The following ACTR3C variants were observed in gnomAD, a reference collection of about 807,000 sequenced individuals.
The protein encoded by ACTR3C is actin related protein 3C.
ACTR3C carries 18 observed loss-of-function variants against 26.3 expected under a neutral mutation model. The observed-to-expected ratio is 0.68, with a 90% CI of 0.47 to 1.01. The LOEUF (loss-of-function observed/expected upper bound fraction) is 1.01. Ranked by LOEUF, ACTR3C falls within the 50% of genes least tolerant of loss-of-function variation. The probability of loss-of-function intolerance (pLI) is 0.00; values close to 1 mark genes in which losing one functional copy is unlikely to be tolerated. For missense variants in ACTR3C, 184 were observed against 250.7 expected (o/e 0.73, Z 1.80); for synonymous variants, 55 against 94.5 (o/e 0.58, Z 2.42).
the ACTR3C span, among the ~76,000 whole-genome samples, chr7:150,144,785 TG>T: frequency 6.6e-6 from 1 of 152,128 alleles, no homozygotes; most frequent in Non-Finnish European, 1.5e-5. This position sits in a 1 kb window ranked among gnomAD's most constrained non-coding sequence, Gnocchi z 4.6. Context: ...CGGTGGCTCA[TG>T]CCTGTAATCC....
the ACTR3C span, among the ~76,000 whole-genome samples, chr7:149,918,931 C>G: frequency 1.3e-5 from 2 of 152,152 alleles, no homozygotes; most frequent in Non-Finnish European, 2.9e-5. Flanking sequence ...AATAGGAGGG[C>G]TGAGGAGCAA....
the ACTR3C span, among the ~76,000 whole-genome samples, chr7:149,900,139 C>T: frequency 2.0e-5 from 3 of 149,834 alleles, no homozygotes; most frequent in Non-Finnish European, 3.0e-5. Flanking sequence ...GATGTTCAGG[C>T]AGTCCATTAT....
the ACTR3C span, among the ~76,000 whole-genome samples, chr7:150,041,755 G>A: frequency 1.4e-5 from 2 of 145,306 alleles, no homozygotes; most frequent in East Asian, 2.0e-4. Context: ...GAGCCAGGGG[G>A]GGGAAGAGGG....
At chr7:150,224,612 C>T in the ACTR3C span, among the ~76,000 whole-genome samples, 2 of 152,176 alleles carry the variant, frequency 1.3e-5, no homozygotes, top group African/African-American at 4.8e-5. Context: ...TGAAATCCAG[C>T]CAGGCAAAGG....
chr7:150,170,187 T>C, the ACTR3C span, among the ~76,000 whole-genome samples: 18 of 150,146 alleles, frequency 1.2e-4, no homozygotes, highest in Admixed American at 2.0e-4. Flanking sequence ...GCAGTTGGTG[T>C]CATACACATT....
the ACTR3C span, among the ~76,000 whole-genome samples, chr7:150,071,228 A>G: frequency 1.5e-4 from 22 of 151,620 alleles, no homozygotes; most frequent in Non-Finnish European, 2.9e-4. Flanking sequence ...GGTTCATGCC[A>G]TTCTCCTGCC....
chr7:150,013,625 G>A, the ACTR3C span, among the ~76,000 whole-genome samples: 3 of 152,238 alleles, frequency 2.0e-5, no homozygotes, highest in East Asian at 5.8e-4. Flanking sequence ...GGGCATGCAT[G>A]GCTGGTGAGA....
the ACTR3C span, among the ~76,000 whole-genome samples, chr7:149,924,920 C>T: frequency 3.3e-5 from 5 of 152,160 alleles, no homozygotes; most frequent in Admixed American, 1.3e-4. Context: ...TGAGCCACTG[C>T]GCCGGGCCCA....
At chr7:150,285,546 T>A (rs1563180306) in intron 5 of ACTR3C, among the ~76,000 whole-genome samples, 1 of 152,254 alleles carries the variant, frequency 6.6e-6, no homozygotes, top group Non-Finnish European at 1.5e-5. Flanking sequence ...CTGTTCTATG[T>A]CCATTTCAAA....
chr7:150,222,683 C>T, the ACTR3C span, among the ~76,000 whole-genome samples: 1 of 152,172 alleles, frequency 6.6e-6, no homozygotes, highest in Non-Finnish European at 1.5e-5. Flanking sequence ...ATCATGATCT[C>T]GAGCTTGATG....
the ACTR3C span, among the ~76,000 whole-genome samples, chr7:150,105,559 C>G: frequency 6.6e-6 from 1 of 152,038 alleles, no homozygotes; most frequent in South Asian, 2.1e-4. Context: ...TGGTTTACTT[C>G]TAGCAACTGC....
the ACTR3C span, among the ~76,000 whole-genome samples, chr7:150,185,008 T>C: frequency 2.0e-5 from 3 of 151,380 alleles, no homozygotes; most frequent in East Asian, 5.8e-4. Flanking sequence ...AGTCCTGTCA[T>C]CTAAGATCTT....
chr7:149,963,569 T>G, the ACTR3C span, among the ~76,000 whole-genome samples: 1 of 152,098 alleles, frequency 6.6e-6, no homozygotes, highest in Non-Finnish European at 1.5e-5. Flanking sequence ...TAACAAAGGA[T>G]GAACAAAGAA....
At chr7:150,265,935 A>G (rs550964499) in intron 6 of ACTR3C, among the ~76,000 whole-genome samples, 1 of 152,258 alleles carries the variant, frequency 6.6e-6, no homozygotes, top group East Asian at 1.9e-4. Context: ...AAAACTGAGA[A>G]CGTTCTTTTA....
chr7:150,237,515 G>A, the ACTR3C span, among the ~76,000 whole-genome samples: 1 of 151,886 alleles, frequency 6.6e-6, no homozygotes, highest in Non-Finnish European at 1.5e-5. Flanking sequence ...GCCCACACTG[G>A]TCACTTGACT....
At chr7:150,016,088 T>A in the ACTR3C span, among the ~76,000 whole-genome samples, 1 of 151,974 alleles carries the variant, frequency 6.6e-6, no homozygotes, top group Non-Finnish European at 1.5e-5. Context: ...CCAAGCACAC[T>A]CATCCCCCAC....
chr7:150,222,703 C>T, the ACTR3C span, among the ~76,000 whole-genome samples: 2 of 152,128 alleles, frequency 1.3e-5, no homozygotes, highest in Non-Finnish European at 2.9e-5. Flanking sequence ...GACTCACCCT[C>T]GCGTTAGGAA....
the ACTR3C span, among the ~76,000 whole-genome samples, chr7:150,207,351 C>G: frequency 2.6e-4 from 40 of 152,046 alleles, no homozygotes; most frequent in African/African-American, 9.4e-4. Context: ...CACACAGACT[C>G]ACTAATAAAA....
chr7:150,017,633 C>A, the ACTR3C span, among the ~76,000 whole-genome samples: 3 of 149,740 alleles, frequency 2.0e-5, no homozygotes, highest in African/African-American at 7.6e-5. Flanking sequence ...TCTCCTAACC[C>A]CAGCCCAATT....
Sources: gnomAD v4.1 joint callset for allele counts (sites outside exome capture counted in the v4.1 genomes callset) on GRCh38, gnomAD v4.1.1 for gene constraint, Gnocchi (gnomAD v3.1) non-coding constraint, MANE v1.5 for transcripts, NCBI Gene and HGNC (gene_info 2026-07-23, HGNC 2026-07-21) for gene names.